The following LRBA variants were observed in gnomAD, a reference collection of about 807,000 sequenced individuals.
LRBA encodes the protein LPS responsive beige-like anchor protein.
LRBA carries 176 observed loss-of-function variants against 330.0 expected under a neutral mutation model. The observed-to-expected ratio is 0.53, with a 90% CI of 0.47 to 0.60. The LOEUF (loss-of-function observed/expected upper bound fraction) is 0.60, where lower values mean the gene tolerates loss of function less well. LRBA is among the 20% of genes least tolerant of loss of function. LRBA has a pLI of 0.00. For synonymous variants in LRBA, 1,230 were observed against 1,193.0 expected, an observed-to-expected ratio of 1.03 and a Z score of -0.64; for missense variants, 3,259 against 3,444.8, an observed-to-expected ratio of 0.95 and a Z score of 1.35.
chr4:151,002,431 G>T (rs1743476348), intron 2 of LRBA, among the ~76,000 whole-genome samples: 1 of 151,718 alleles, frequency 6.6e-6, no homozygotes. Context: ...TGTGTGTGGT[G>T]GTGGGTGCCT....
chr4:150,559,950 A>T (rs562488577), intron 40 of LRBA, among the ~76,000 whole-genome samples: 1 of 104,356 alleles, frequency 9.6e-6, no homozygotes, highest in Admixed American at 1.5e-4. Flanking sequence ...CTATATAAAT[A>T]TATATATAAA....
At position 150,415,620 on chromosome 4, in the gene LRBA, T is replaced by A. The variant is rs1211801014; in HGVS notation, c.7042-30A>T. On this transcript the variant is annotated intron_variant, in intron 46 of 56. Coordinates refer to ENST00000651943, the MANE Select transcript of LRBA (RefSeq NM_001364905.1). Reference sequence around the variant, plus strand: ...ATAAAAATAAAAGACAATGTGATATTATAAACTGTAGGATACTGACTAGAT... The same window carrying A: ...ATAAAAATAAAAGACAATGTGATATAATAAACTGTAGGATACTGACTAGAT... The A allele has an allele frequency of 3.0e-6, 4 of 1,328,220 alleles. No homozygotes were observed. The African/African-American group carries it at 5.8e-5, about 19-fold the overall frequency. The allele number at this position is 1,328,220 out of a possible 1,614,324, so 82.3% of individuals were successfully genotyped here.
At chr4:150,579,894 C>G (rs909688216) in intron 40 of LRBA, 3 of 362,666 alleles carry the variant, frequency 8.3e-6, no homozygotes, top group African/African-American at 6.4e-5. Context: ...GAGAGTGGGG[C>G]GGGAAAGCTC....
chr4:150,714,462 C>A (rs1405392463), intron 36 of LRBA, among the ~76,000 whole-genome samples: 1 of 151,966 alleles, frequency 6.6e-6, no homozygotes, highest in Non-Finnish European at 1.5e-5. Context: ...CATAATGTAT[C>A]AATAGTAGCA....
intron 36 of LRBA, among the ~76,000 whole-genome samples, chr4:150,693,621 C>G (rs1453029472): frequency 7.5e-6 from 1 of 133,654 alleles, no homozygotes; most frequent in Non-Finnish European, 1.7e-5. Flanking sequence ...AAGAAACATA[C>G]TTAAGTTTTG....
chr4:150,403,556 C>T (rs1472291045), intron 47 of LRBA, among the ~76,000 whole-genome samples: 2 of 151,978 alleles, frequency 1.3e-5, no homozygotes, highest in Non-Finnish European at 2.9e-5. Context: ...TTCCCCTTCT[C>T]CTTTCCCTTC....
chr4:150,306,343 AT>A (rs1211217504), intron 52 of LRBA, among the ~76,000 whole-genome samples: 31 of 152,146 alleles, frequency 2.0e-4, no homozygotes, highest in African/African-American at 7.5e-4. Flanking sequence ...CTTTGCCATT[AT>A]ATATTACTGA....
intron 2 of LRBA, among the ~76,000 whole-genome samples, chr4:151,000,622 T>G (rs1171557368): frequency 6.6e-6 from 1 of 152,116 alleles, no homozygotes; most frequent in Non-Finnish European, 1.5e-5. Flanking sequence ...AAAGGGATGA[T>G]TTGCATCCTA....
chr4:150,293,813 T>C (rs972452947), intron 53 of LRBA, among the ~76,000 whole-genome samples: 1 of 152,224 alleles, frequency 6.6e-6, no homozygotes. Context: ...AGCCCTCTGC[T>C]TCCTCAGTCT....
At chr4:150,836,448 T>G (rs1241847548) in intron 28 of LRBA, among the ~76,000 whole-genome samples, 1 of 152,156 alleles carries the variant, frequency 6.6e-6, no homozygotes, top group East Asian at 1.9e-4. Flanking sequence ...TTTTTGGTTG[T>G]TAGGCTATTA....
chr4:150,406,895 C>T (rs1408879958), intron 47 of LRBA, among the ~76,000 whole-genome samples: 1 of 152,210 alleles, frequency 6.6e-6, no homozygotes, highest in Non-Finnish European at 1.5e-5. Flanking sequence ...ATCCTCCTGC[C>T]TCAGCCTCCC....
intron 48 of LRBA, among the ~76,000 whole-genome samples, chr4:150,334,150 A>G (rs1199906673): frequency 6.6e-6 from 1 of 152,182 alleles, no homozygotes; most frequent in Non-Finnish European, 1.5e-5. Context: ...GAGTCTTCTA[A>G]GATTAAAATG....
chr4:151,006,844 A>G (rs979652017), intron 2 of LRBA, among the ~76,000 whole-genome samples: 2 of 152,152 alleles, frequency 1.3e-5, no homozygotes, highest in East Asian at 1.9e-4. Context: ...TCACCAATTC[A>G]CCCAAATTTC....
At chr4:150,981,003 T>C (rs558918533) in intron 2 of LRBA, among the ~76,000 whole-genome samples, 2 of 152,196 alleles carry the variant, frequency 1.3e-5, no homozygotes, top group South Asian at 4.1e-4. Context: ...AGATATTCCA[T>C]GTTCACGGAT....
intron 40 of LRBA, among the ~76,000 whole-genome samples, chr4:150,561,922 T>C (rs1768397757): frequency 6.6e-6 from 1 of 152,138 alleles, no homozygotes; most frequent in African/African-American, 2.4e-5. Context: ...GATTCCCACA[T>C]CTATGCTTTA....
At chr4:150,489,048 TATATATAAGA>T (rs1758288970) in intron 41 of LRBA, among the ~76,000 whole-genome samples, 1 of 110,590 alleles carries the variant, frequency 9.0e-6, no homozygotes, top group African/African-American at 3.9e-5. Flanking sequence ...TATAATATAT[TATATATAAGA>T]ATATATAATA....
Position 150,900,203 on chromosome 4 carries a change from G to T in LRBA, c.1770C>A (p.Leu590=). 6.2e-7 allele frequency: 1 copy of T among 1,607,542 alleles called. No homozygotes were observed. The highest frequency in any genetic ancestry group is 1.1e-5 in the South Asian group (1 of 89,404). The change falls in exon 14 of 57, where the codon CTC becomes CTA. Residue 590 remains leucine, a synonymous_variant. Coordinates refer to ENST00000651943, the MANE Select transcript of LRBA (RefSeq NM_001364905.1). ...IHTPAKVQLM[L]YTYLSTEFIG... is the part of the protein sequence containing the mutation. Reference sequence around the variant, plus strand: ...TGAATTCCGTGGACAGATAAGTATAGAGCATCAGTTGAACCTACAGAATAA... The same window carrying T: ...TGAATTCCGTGGACAGATAAGTATATAGCATCAGTTGAACCTACAGAATAA...
At chr4:150,775,251 T>G (rs1466337154) in intron 34 of LRBA, among the ~76,000 whole-genome samples, 1 of 152,186 alleles carries the variant, frequency 6.6e-6, no homozygotes. Context: ...CACGGAAGTG[T>G]ATCTTCAAGA....
chr4:150,763,862 A>C (rs1735413222), intron 34 of LRBA, among the ~76,000 whole-genome samples: 1 of 151,992 alleles, frequency 6.6e-6, no homozygotes, highest in Non-Finnish European at 1.5e-5. Flanking sequence ...GGATTTAAGA[A>C]GATGAAGAGA....
Sources: gnomAD v4.1 joint callset for allele counts (sites outside exome capture counted in the v4.1 genomes callset) on GRCh38, gnomAD v4.1.1 for gene constraint, MANE v1.5 for transcripts, NCBI Gene and HGNC (gene_info 2026-07-23, HGNC 2026-07-21) for gene names.